Variants in TMEM108 observed in about 807,000 individuals in gnomAD.
TMEM108 encodes transmembrane protein 108.
TMEM108 carries 12 observed loss-of-function variants against 35.1 expected under a neutral mutation model. The observed-to-expected ratio is 0.34, with a 90% CI of 0.22 to 0.55. TMEM108 has a LOEUF of 0.55. Ranked by LOEUF, TMEM108 falls within the 20% of genes least tolerant of loss-of-function variation. The pLI is 0.89. For missense variants in TMEM108, 680 were observed against 753.3 expected, an observed-to-expected ratio of 0.90 and a Z score of 1.14; for synonymous variants, 287 against 308.6, an observed-to-expected ratio of 0.93 and a Z score of 0.73.
chr3:133,296,379 C>T (rs749848997), intron 3 of TMEM108, among the ~76,000 whole-genome samples: 1 of 152,108 alleles, frequency 6.6e-6, no homozygotes, highest in Non-Finnish European at 1.5e-5. Context: ...TACACACACA[C>T]CAGAGTCAAG....
intron 3 of TMEM108, among the ~76,000 whole-genome samples, chr3:133,312,351 G>T (rs981722405): frequency 6.6e-6 from 1 of 152,196 alleles, no homozygotes; most frequent in African/African-American, 2.4e-5. Flanking sequence ...TGGAGTCCTA[G>T]AGTCAGTAGG....
chr3:133,316,156 C>G (rs2071195762), intron 3 of TMEM108, among the ~76,000 whole-genome samples: 1 of 152,148 alleles, frequency 6.6e-6, no homozygotes. Context: ...AATAGAAACA[C>G]ACATATGGGG....
At chr3:133,126,263 G>T (rs1482149136) in intron 2 of TMEM108, among the ~76,000 whole-genome samples, 1 of 151,982 alleles carries the variant, frequency 6.6e-6, no homozygotes, top group Non-Finnish European at 1.5e-5. Context: ...TCAGGAGTTC[G>T]AGACCAGCCT....
intron 2 of TMEM108, among the ~76,000 whole-genome samples, chr3:133,101,936 T>C (rs1944093764): frequency 6.6e-6 from 1 of 152,212 alleles, no homozygotes; most frequent in African/African-American, 2.4e-5. Context: ...TTTCCAGTCT[T>C]GTATGGCTGC....
At chr3:133,190,285 A>G (rs1192808954) in intron 2 of TMEM108, among the ~76,000 whole-genome samples, 2 of 152,228 alleles carry the variant, frequency 1.3e-5, no homozygotes, top group Non-Finnish European at 2.9e-5. Flanking sequence ...AGGACTTTTA[A>G]TATGGCAATC....
chr3:133,084,000 G>A (rs895915273), intron 2 of TMEM108, among the ~76,000 whole-genome samples: 13 of 152,070 alleles, frequency 8.5e-5, no homozygotes, highest in African/African-American at 3.1e-4. Flanking sequence ...CGGTTATAGG[G>A]AGCAGAGATA....
At chr3:133,390,079 C>T in intron 4 of TMEM108, 101 bp from the exon 5 acceptor site, 3 of 1,425,854 alleles carry the variant, frequency 2.1e-6, no homozygotes, top group Non-Finnish European at 2.9e-6. Flanking sequence ...TCCCACCATA[C>T]ACTTACTCCA....
At chr3:133,172,741 C>A (rs1255797139) in intron 2 of TMEM108, among the ~76,000 whole-genome samples, 1 of 152,174 alleles carries the variant, frequency 6.6e-6, no homozygotes. Context: ...TTATCTATTA[C>A]CAATTGATAT....
intron 3 of TMEM108, among the ~76,000 whole-genome samples, chr3:133,241,842 G>T (rs897341655): frequency 5.3e-5 from 8 of 152,014 alleles, no homozygotes; most frequent in Admixed American, 1.3e-4. Context: ...TCAAACTCCT[G>T]ACCTTCGGTA....
intron 3 of TMEM108, among the ~76,000 whole-genome samples, chr3:133,330,964 A>T (rs893808641): frequency 1.3e-5 from 2 of 152,182 alleles, no homozygotes; most frequent in Non-Finnish European, 2.9e-5. Flanking sequence ...TAATTATCTG[A>T]TGGAATTTAC....
chr3:133,200,374 A>G (rs1043084013), intron 2 of TMEM108, among the ~76,000 whole-genome samples: 4 of 152,152 alleles, frequency 2.6e-5, no homozygotes, highest in African/African-American at 9.7e-5. Flanking sequence ...TGCACACCTG[A>G]ACCAGAAAGC....
At chr3:133,341,042 G>C (rs2071646697) in intron 3 of TMEM108, among the ~76,000 whole-genome samples, 1 of 151,742 alleles carries the variant, frequency 6.6e-6, no homozygotes, top group Non-Finnish European at 1.5e-5. Flanking sequence ...ATTCAACATA[G>C]CAGTGGAAGT....
At chr3:133,360,732 C>T (rs2072321725) in intron 3 of TMEM108, among the ~76,000 whole-genome samples, 1 of 152,104 alleles carries the variant, frequency 6.6e-6, no homozygotes. Flanking sequence ...CCAAGTGTAG[C>T]CCCAAAGTCA....
intron 2 of TMEM108, chr3:133,192,923 T>TGCGC (rs750794404): frequency 6.6e-6 from 1 of 151,774 alleles, no homozygotes; most frequent in African/African-American, 2.4e-5. Context: ...TGTGTGTGTG[T>TGCGC]GCGCGTGTGT....
chr3:133,192,100 C>G (rs902924933), intron 2 of TMEM108, among the ~76,000 whole-genome samples: 4 of 152,106 alleles, frequency 2.6e-5, no homozygotes, highest in African/African-American at 9.7e-5. Context: ...GCTGCACAAG[C>G]TCTGACAGCT....
intron 3 of TMEM108, among the ~76,000 whole-genome samples, chr3:133,238,103 A>G (rs957307767): frequency 6.1e-5 from 9 of 147,408 alleles, no homozygotes; most frequent in African/African-American, 9.7e-5. Context: ...TCTCCCTTTC[A>G]TATCCCTCCT....
At chr3:133,103,750 C>T (rs1248595381) in intron 2 of TMEM108, among the ~76,000 whole-genome samples, 1 of 152,132 alleles carries the variant, frequency 6.6e-6, no homozygotes, top group Non-Finnish European at 1.5e-5. Context: ...CTAAGGGTGG[C>T]TCAGAGTAGG....
chr3:133,066,002 C>A (rs1943602230), intron 2 of TMEM108, among the ~76,000 whole-genome samples: 1 of 152,112 alleles, frequency 6.6e-6, no homozygotes, highest in South Asian at 2.1e-4. Context: ...CTCTCTTTTG[C>A]TTCATTAGTG....
intron 2 of TMEM108, among the ~76,000 whole-genome samples, chr3:133,096,310 G>A (rs993168081): frequency 2.6e-5 from 4 of 152,102 alleles, no homozygotes; most frequent in South Asian, 4.1e-4. Context: ...AGGCATGCAC[G>A]ACCACATGCA....
Sources: allele counts gnomAD v4.1 joint callset (sites outside exome capture counted in the v4.1 genomes callset), GRCh38; gene constraint gnomAD v4.1.1; transcripts MANE v1.5; gene names NCBI Gene and HGNC (gene_info 2026-07-23, HGNC 2026-07-21).